The following MREG variants were observed in gnomAD, a reference collection of about 807,000 sequenced individuals.
The protein encoded by MREG is melanoregulin, also known as dilute suppressor protein homolog.
A neutral mutation model predicts 28.5 loss-of-function variants in MREG; 31 were observed. The ratio of observed to expected loss-of-function variants is 1.09; its 90% CI spans 0.82 to 1.47. The LOEUF (loss-of-function observed/expected upper bound fraction) is 1.47. Among genes scored for constraint, MREG ranks in the 40% most tolerant of loss-of-function variants. The pLI, the probability that MREG is intolerant of heterozygous loss-of-function variation, is 0.00. For synonymous variants in MREG, 106 were observed against 95.2 expected, an observed-to-expected ratio of 1.11 and a Z score of -0.66; for missense variants, 256 against 257.4, an observed-to-expected ratio of 0.99 and a Z score of 0.04.
chr2:216,020,462 C>CA (rs1227947055), intron 1 of MREG, among the ~76,000 whole-genome samples: 3 of 152,178 alleles, frequency 2.0e-5, no homozygotes, highest in African/African-American at 7.2e-5. Flanking sequence ...AGTTGATCAA[C>CA]AGGCCCAGGC....
In MREG at chr2:215,996,289, C is replaced by T; in HGVS notation, c.255+17G>A. 4 of 1,610,374 alleles carry T rather than the reference C, an allele frequency of 2.5e-6. No homozygotes were observed. Among genetic ancestry groups the T allele is most frequent in the Non-Finnish European group, 3.4e-6 (4 of 1,178,836 alleles). On this transcript the variant is annotated intron_variant, in intron 2 of 4. Coordinates refer to ENST00000263268, the MANE Select transcript of MREG (RefSeq NM_018000.3). ...ATAGCATCATCCGCGCACAGCAAGA[C>T]ATCAAAAGGTGCTCACCTCTGAGTC...
chr2:216,023,733 C>T (rs1246706959), intron 1 of MREG, among the ~76,000 whole-genome samples: 2 of 152,112 alleles, frequency 1.3e-5, no homozygotes, highest in Non-Finnish European at 2.9e-5. Context: ...AGTGGCACAA[C>T]CTTGTCTCAC....
At chr2:215,951,582 G>T (rs1692487061) in intron 2 of MREG, among the ~76,000 whole-genome samples, 1 of 152,164 alleles carries the variant, frequency 6.6e-6, no homozygotes, top group African/African-American at 2.4e-5. Context: ...AATTAGCAAA[G>T]GTGTAGCAAA....
chr2:216,007,747 T>TTC (rs1694198793), intron 1 of MREG, among the ~76,000 whole-genome samples: 2 of 150,596 alleles, frequency 1.3e-5, no homozygotes, highest in African/African-American at 4.8e-5. Flanking sequence ...AGCGGCTTTT[T>TTC]TTTTGCATTT....
intron 1 of MREG, among the ~76,000 whole-genome samples, chr2:215,996,833 T>G (rs1339359314): frequency 6.6e-6 from 1 of 151,892 alleles, no homozygotes; most frequent in East Asian, 1.9e-4. Context: ...CAGGCTGGAG[T>G]GCAGTGGCAC....
intron 2 of MREG, among the ~76,000 whole-genome samples, chr2:215,961,511 C>T (rs1308265339): frequency 1.3e-5 from 2 of 152,238 alleles, no homozygotes; most frequent in East Asian, 1.9e-4. Context: ...CCGCAACCTC[C>T]GTCTCCCGGG....
At chr2:216,009,981 G>T (rs1414607000) in intron 1 of MREG, among the ~76,000 whole-genome samples, 1 of 152,192 alleles carries the variant, frequency 6.6e-6, no homozygotes, top group Non-Finnish European at 1.5e-5. Context: ...CCCCCCAAAA[G>T]ATATGTCCAA....
chr2:215,974,989 G>T (rs1693210814), intron 2 of MREG, among the ~76,000 whole-genome samples: 1 of 70,466 alleles, frequency 1.4e-5, no homozygotes, highest in Non-Finnish European at 3.1e-5. Context: ...AACAGGGAGA[G>T]AATTTTATTT....
At position 215,990,827 on chromosome 2, in the gene MREG, C is replaced by T. The variant is rs184356142; in HGVS notation, c.255+5479G>A. Among the ~76,000 whole-genome samples, 390 of 152,118 alleles carry T rather than the reference C, an allele frequency of 2.6e-3. 1 individual carries two copies. The highest frequency in any genetic ancestry group is 3.4e-3 in the Middle Eastern group (1 of 294). ...CATTACATAATGGTAAAGGGATCAA[C>T]GCAACAAAAAGAGCTAACTATCCTA... On this transcript the variant is annotated intron_variant, in intron 2 of 4. Coordinates refer to ENST00000263268, the MANE Select transcript of MREG (RefSeq NM_018000.3).
rs1295218041 is a variant in MREG, at chr2:216,024,882, C to CA, written c.-68+7906dup. Among the ~76,000 whole-genome samples, 337 of 48,570 alleles carry CA rather than the reference C, an allele frequency of 6.9e-3. 3 individuals carry two copies. Among genetic ancestry groups the CA allele is most frequent in the African/African-American group, 0.022 (279 of 12,450 alleles). 31.9% of individuals were successfully genotyped at this position (48,570 alleles called of 152,430 possible). A position where few individuals can be genotyped will look rare whatever the true frequency, so the allele number is the denominator to read the frequency against. On this transcript the variant is annotated intron_variant, in intron 1 of 3. Transcript: ENST00000420348. ...TGGGCGACGGAGCAAGACTCTGTCT[C>CA]AAAAAAAAAAAAGGAAGGGAAAGGA...
At chr2:215,961,827 A>G (rs903665925) in intron 2 of MREG, among the ~76,000 whole-genome samples, 3 of 152,072 alleles carry the variant, frequency 2.0e-5, no homozygotes, top group Non-Finnish European at 4.4e-5. Flanking sequence ...GCCTAGGACC[A>G]CCTGCTGCTC....
chr2:216,029,864 T>C (rs528722756), intron 1 of MREG, among the ~76,000 whole-genome samples: 4 of 152,378 alleles, frequency 2.6e-5, no homozygotes, highest in African/African-American at 7.2e-5. Context: ...TGCATCATTT[T>C]ACAAGAGAGG....
intron 1 of MREG, among the ~76,000 whole-genome samples, chr2:215,996,912 C>G (rs1283941325): frequency 2.0e-5 from 3 of 152,226 alleles, no homozygotes; most frequent in South Asian, 2.1e-4. Flanking sequence ...TACCGAGTAC[C>G]TGGGATTACA....
intron 1 of MREG, among the ~76,000 whole-genome samples, chr2:216,009,695 CCGG>C (rs1232085327): frequency 6.6e-6 from 1 of 152,086 alleles, no homozygotes; most frequent in Non-Finnish European, 1.5e-5. Flanking sequence ...GCCACCACAC[CCGG>C]CTAATTTTTT....
intron 1 of MREG, among the ~76,000 whole-genome samples, chr2:216,024,467 C>T (rs1189234465): frequency 6.6e-6 from 1 of 151,748 alleles, no homozygotes; most frequent in Non-Finnish European, 1.5e-5. Context: ...AAAAAGGACG[C>T]CCCGTGCCCT....
intron 2 of MREG, among the ~76,000 whole-genome samples, chr2:215,954,945 C>A (rs1299228448): frequency 6.6e-6 from 1 of 152,134 alleles, no homozygotes. Context: ...TCAGGTGATC[C>A]GCCCACCTTG....
At chr2:216,002,041 C>A (rs1301022508) in intron 1 of MREG, among the ~76,000 whole-genome samples, 2 of 152,124 alleles carry the variant, frequency 1.3e-5, no homozygotes, top group Non-Finnish European at 2.9e-5. Flanking sequence ...CTCCCTCCCC[C>A]ATATCATGAG....
chr2:215,958,212 A>C (rs1044190164), intron 2 of MREG, among the ~76,000 whole-genome samples: 6 of 151,272 alleles, frequency 4.0e-5, no homozygotes, highest in Admixed American at 2.0e-4. Context: ...CATATGTAAC[A>C]AACCTGCACG....
chr2:215,997,216 C>T (rs1477599537), intron 1 of MREG, among the ~76,000 whole-genome samples: 1 of 152,142 alleles, frequency 6.6e-6, no homozygotes, highest in Non-Finnish European at 1.5e-5. Context: ...ATTCCTTATG[C>T]CAGGAAAATT....
Sources: allele counts gnomAD v4.1 joint callset (sites outside exome capture counted in the v4.1 genomes callset), GRCh38; gene constraint gnomAD v4.1.1; transcripts MANE v1.5; gene names NCBI Gene and HGNC (gene_info 2026-07-23, HGNC 2026-07-21).